The following WDR49 variants were observed in gnomAD, a reference collection of about 807,000 sequenced individuals.
WDR49 encodes WD repeat domain 49.
Under a neutral mutation model 119.5 loss-of-function variants are expected in WDR49, and 107 were observed. The ratio of observed to expected loss-of-function variants is 0.90; its 90% CI spans 0.77 to 1.05. The LOEUF is 1.05. Among genes scored for constraint, WDR49 ranks in the 50% least tolerant of loss-of-function variants. WDR49 has a pLI of 0.00. For synonymous variants in WDR49, 425 were observed against 418.8 expected (o/e 1.01, Z -0.18); for missense variants, 1,240 against 1,220.5 (o/e 1.02, Z -0.24).
At chr3:167,597,443 G>A (rs1715538164) in intron 7 of WDR49, among the ~76,000 whole-genome samples, 3 of 152,180 alleles carry the variant, frequency 2.0e-5, no homozygotes, top group Non-Finnish European at 2.9e-5. Context: ...GTTCAGAGGG[G>A]AAATGTGGGG....
At chr3:167,482,520 A>AT (rs1750755295) in intron 18 of WDR49, among the ~76,000 whole-genome samples, 1 of 150,706 alleles carries the variant, frequency 6.6e-6, no homozygotes, top group African/African-American at 2.4e-5. Flanking sequence ...AAAAAAAAAA[A>AT]TACAAAAAAT....
chr3:167,492,713 G>T (rs955908261), intron 18 of WDR49, among the ~76,000 whole-genome samples: 2 of 152,092 alleles, frequency 1.3e-5, no homozygotes, highest in African/African-American at 4.8e-5. Context: ...AGTTTACAAA[G>T]CTAGCAAGTA....
chr3:167,523,755 A>G (rs1322201300), intron 15 of WDR49, among the ~76,000 whole-genome samples: 1 of 152,098 alleles, frequency 6.6e-6, no homozygotes, highest in Non-Finnish European at 1.5e-5. Context: ...GTAGTATTCC[A>G]TGGTTTATAT....
chr3:167,553,456 T>G (rs1712699168), intron 10 of WDR49, among the ~76,000 whole-genome samples: 1 of 152,142 alleles, frequency 6.6e-6, no homozygotes, highest in African/African-American at 2.4e-5. Flanking sequence ...AAAAAAATCT[T>G]ACAGTTGATG....
chr3:167,592,443 T>C (rs553234637), intron 7 of WDR49, among the ~76,000 whole-genome samples: 66 of 150,306 alleles, frequency 4.4e-4, no homozygotes, highest in Admixed American at 1.8e-3. Context: ...TTTTCTTTTT[T>C]TTTTTTTTTT....
intron 8 of WDR49, among the ~76,000 whole-genome samples, chr3:167,572,745 AAATGCGACC>A (rs1714007899): frequency 6.6e-6 from 1 of 152,236 alleles, no homozygotes; most frequent in Non-Finnish European, 1.5e-5. Context: ...AACAACTAAA[AAATGCGACC>A]AATGCTCAGG....
chr3:167,503,514 G>T (rs926407594), intron 17 of WDR49, among the ~76,000 whole-genome samples: 1 of 152,218 alleles, frequency 6.6e-6, no homozygotes, highest in Non-Finnish European at 1.5e-5. Flanking sequence ...GAAGCCGTGG[G>T]TCATGGAAGA....
intron 16 of WDR49, among the ~76,000 whole-genome samples, chr3:167,515,254 C>T (rs1752154962): frequency 6.6e-6 from 1 of 152,122 alleles, no homozygotes; most frequent in African/African-American, 2.4e-5. Context: ...TACTTGCAAA[C>T]CAAATTCTGC....
chr3:167,506,486 A>C (rs1751773073), intron 16 of WDR49, among the ~76,000 whole-genome samples: 1 of 152,222 alleles, frequency 6.6e-6, no homozygotes, highest in Non-Finnish European at 1.5e-5. Flanking sequence ...AAGTCTGTGT[A>C]TCTCTCTTAA....
At chr3:167,532,596 AT>A (rs1446412333) in intron 12 of WDR49, among the ~76,000 whole-genome samples, 4 of 152,166 alleles carry the variant, frequency 2.6e-5, no homozygotes, top group African/African-American at 9.6e-5. Context: ...TTGAAAAAAA[AT>A]AAACTAAATA....
chr3:167,493,927 T>A (rs1237210883), intron 18 of WDR49, among the ~76,000 whole-genome samples: 1 of 152,214 alleles, frequency 6.6e-6, no homozygotes, highest in East Asian at 1.9e-4. Flanking sequence ...ATAGTCTTTT[T>A]ACCTCAACAT....
intron 5 of WDR49, 67 bp from the exon 6 acceptor site, chr3:167,604,535 A>G (rs930234526): frequency 3.5e-6 from 5 of 1,427,498 alleles, no homozygotes; most frequent in Admixed American, 2.5e-5. Context: ...AGTAAAATGG[A>G]GCTGTTTTAA....
chr3:167,611,080 C>T (rs1027219000), intron 5 of WDR49, among the ~76,000 whole-genome samples: 1 of 152,160 alleles, frequency 6.6e-6, no homozygotes, highest in Admixed American at 6.5e-5. Context: ...GTAAACTACT[C>T]TTATCTGAAA....
chr3:167,641,372 T>A (rs886811223), intron 2 of WDR49, among the ~76,000 whole-genome samples: 1 of 151,962 alleles, frequency 6.6e-6, no homozygotes, highest in Non-Finnish European at 1.5e-5. Flanking sequence ...AGTACCACTT[T>A]TTCTGTGGTA....
chr3:167,498,569 G>A (rs1442407749), intron 18 of WDR49, among the ~76,000 whole-genome samples: 1 of 152,064 alleles, frequency 6.6e-6, no homozygotes, highest in African/African-American at 2.4e-5. Flanking sequence ...CTCTGGGGGA[G>A]GTGATGACAA....
chr3:167,598,360 G>A (rs1715596568), intron 7 of WDR49, among the ~76,000 whole-genome samples: 1 of 152,074 alleles, frequency 6.6e-6, no homozygotes, highest in African/African-American at 2.4e-5. Context: ...AGATTTGGGA[G>A]GGGCCAGGGT....
chr3:167,550,010 G>C (rs1458376988), intron 10 of WDR49, among the ~76,000 whole-genome samples: 1 of 152,104 alleles, frequency 6.6e-6, no homozygotes, highest in Non-Finnish European at 1.5e-5. Flanking sequence ...TTGTAGATGT[G>C]TGGTATTATT....
Position 167,627,699 on chromosome 3 carries a change from T to G in WDR49, c.166-407A>C, listed in dbSNP as rs187491547. Reference sequence around the variant, plus strand: ...TCCTGACAACTTGATTTTATCCCTGTAAAACCCATTTGGGGCTTCTGAACT... The same window carrying G: ...TCCTGACAACTTGATTTTATCCCTGGAAAACCCATTTGGGGCTTCTGAACT... On this transcript the variant is annotated intron_variant, in intron 2 of 18. Transcript: ENST00000682715. Among the ~76,000 whole-genome samples the G allele has an allele frequency of 1.1e-4, 16 of 152,216 alleles. No homozygotes were observed. The East Asian group carries it at 3.1e-3, about 29-fold the overall frequency.
At chr3:167,534,609 C>A (rs914744440) in intron 11 of WDR49, among the ~76,000 whole-genome samples, 1 of 151,920 alleles carries the variant, frequency 6.6e-6, no homozygotes, top group Non-Finnish European at 1.5e-5. Context: ...TCATAGATAC[C>A]CTGGATCTTT....
Sources: gnomAD v4.1 joint callset for allele counts (sites outside exome capture counted in the v4.1 genomes callset) on GRCh38, gnomAD v4.1.1 for gene constraint, MANE v1.5 for transcripts, NCBI Gene and HGNC (gene_info 2026-07-23, HGNC 2026-07-21) for gene names.